WDFY4: variants seen among roughly 807,000 people sequenced by gnomAD.
The protein encoded by WDFY4 is WDFY family member 4.
Under a neutral mutation model 351.9 loss-of-function variants are expected in WDFY4, and 169 were observed. The observed-to-expected ratio is 0.48, with a 90% CI of 0.42 to 0.55. The LOEUF (loss-of-function observed/expected upper bound fraction) is 0.55, where lower values mean the gene tolerates loss of function less well. Ranked by LOEUF, WDFY4 falls within the 20% of genes least tolerant of loss-of-function variation. The pLI, the probability that WDFY4 is intolerant of heterozygous loss-of-function variation, is 0.00. For synonymous variants in WDFY4, 1,622 were observed against 1,574.6 expected, an observed-to-expected ratio of 1.03 and a Z score of -0.71; for missense variants, 3,803 against 3,935.6, an observed-to-expected ratio of 0.97 and a Z score of 0.90.
chr10:48,835,917 T>C (rs1339605605), intron 39 of WDFY4, among the ~76,000 whole-genome samples: 2 of 152,232 alleles, frequency 1.3e-5, no homozygotes, highest in African/African-American at 4.8e-5. Context: ...TAACTAAGTC[T>C]TGGATGGGCA....
intron 12 of WDFY4, among the ~76,000 whole-genome samples, chr10:48,759,851 C>A (rs753787615): frequency 2.0e-5 from 3 of 152,158 alleles, no homozygotes; most frequent in African/African-American, 4.8e-5. Flanking sequence ...TCTCGGCTAC[C>A]ATTTACTTTC....
At chr10:48,815,558 G>A (rs1040899167) in intron 31 of WDFY4, among the ~76,000 whole-genome samples, 3 of 151,854 alleles carry the variant, frequency 2.0e-5, no homozygotes, top group Non-Finnish European at 2.9e-5. Flanking sequence ...TCTCAGGCTC[G>A]GATGATTCTC....
Position 48,894,309 on chromosome 10 carries a change from C to A in WDFY4, c.7317-3145C>A, listed in dbSNP as rs78625227. ...GCAGAAACAGTCAGCACAGAGCAAA[C>A]TGAAAGCAGTGAGCCAGTGGTAGAG... On this transcript the variant is annotated intron_variant, in intron 44 of 61. Coordinates refer to ENST00000325239, the MANE Select transcript of WDFY4 (RefSeq NM_001394531.1). Among the ~76,000 whole-genome samples, 902 of 152,298 alleles carry A rather than the reference C, an allele frequency of 5.9e-3. 7 individuals carry two copies. The highest frequency in any genetic ancestry group is 0.021 in the African/African-American group (866 of 41,558).
At chr10:48,734,195 A>G (rs1425385709) in intron 10 of WDFY4, among the ~76,000 whole-genome samples, 160 bp downstream of exon 10, 1 of 152,238 alleles carries the variant, frequency 6.6e-6, no homozygotes, top group Non-Finnish European at 1.5e-5. Flanking sequence ...AGTGATCATC[A>G]GTAAATTCGT....
rs536060517 is a variant in WDFY4 at position 48,853,814 on chromosome 10, T to C, written c.6664-13451T>C. 3.9e-5 allele frequency among the ~76,000 whole-genome samples: 6 copies of C among 152,336 alleles called. No homozygotes were observed. In the East Asian group the frequency reaches 9.6e-4, roughly 24 times the overall value. On this transcript the variant is annotated intron_variant, in intron 39 of 61. Transcript: ENST00000325239. ...TCACTGTGTCATCTCTGCCCCAGCA[T>C]TGACTGTGTTAGCTCATAGCTATCT...
At chr10:48,785,783 C>A (rs922660432) in intron 19 of WDFY4, among the ~76,000 whole-genome samples, 15 of 152,158 alleles carry the variant, frequency 9.9e-5, no homozygotes, top group Non-Finnish European at 1.9e-4. Context: ...CAAATTAATT[C>A]TTCTTTTTCA....
intron 46 of WDFY4, among the ~76,000 whole-genome samples, chr10:48,901,507 A>G (rs1837350862): frequency 1.3e-5 from 2 of 152,252 alleles, no homozygotes; most frequent in South Asian, 2.1e-4. Context: ...GATTGTTGAC[A>G]TTGGCAATGT....
In WDFY4 at chr10:48,778,635, C is replaced by G. The variant is rs1404203738; in HGVS notation, c.3200C>G (p.Pro1067Arg). The G allele has an allele frequency of 1.3e-6, 2 of 1,551,448 alleles. No homozygotes were observed. The highest frequency in any genetic ancestry group is 3.9e-5 in the Admixed American group (2 of 51,018). Reference sequence around the variant, plus strand: ...GGTGCCACCAGACCGTTCCCTCCTCCTGGAGGTCTGACCTTCTCCTGCTGG... The same window carrying G: ...GGTGCCACCAGACCGTTCCCTCCTCGTGGAGGTCTGACCTTCTCCTGCTGG... ...GTGATRPFPP[P>R]GGLTFSCWFL... is the part of the protein sequence containing the mutation. Residue 1067 changes from proline to arginine, a missense_variant, in exon 18 of 62, where the codon CCT becomes CGT. This residue lies in a region of WDFY4 where 3,054 missense variants were observed against 3,148.6 expected (regional missense o/e 0.97). Transcript: ENST00000325239.
In WDFY4 at chr10:48,910,339, C is replaced by A. The variant is rs375370049; in HGVS notation, c.7586+8476C>A. 56 of 1,239,024 alleles carry A rather than the reference C, an allele frequency of 4.5e-5. No individual in the cohort carries two copies. The African/African-American group carries it at 6.8e-4, about 15-fold the overall frequency. 76.8% of individuals were successfully genotyped at this position (1,239,024 alleles called of 1,614,324 possible). On this transcript the variant is annotated intron_variant, in intron 47 of 61. Transcript: ENST00000325239. ...ACAGCAAGGGCAGAGGTCACACCAG[C>A]TCACCAAGGTCATGCCTGACCTTCA...
At position 48,820,368 on chromosome 10, in the gene WDFY4, C is replaced by T. The variant is rs1034351700; in HGVS notation, c.5640C>T (p.Leu1880=). The T allele has an allele frequency of 1.8e-5, 28 of 1,551,644 alleles. 1 individual carries two copies. The highest frequency in any genetic ancestry group is 3.3e-4 in the Middle Eastern group (2 of 5,992). Residue 1880 remains leucine (L), a synonymous_variant, in exon 33 of 62, where the codon CTC becomes CTT. Transcript: ENST00000325239. ...ARRKLREFTQ[L]LLRELLLGAS... is the part of the protein sequence containing the mutation. ...GGAAGCTGAGGGAGTTCACGCAGCT[C>T]CTCTTGAGGGAGCTCCTGCTTGGAG...
At chr10:48,910,901 A>T in intron 47 of WDFY4, 2 of 985,240 alleles carry the variant, frequency 2.0e-6, no homozygotes, top group Non-Finnish European at 2.4e-6. Flanking sequence ...TGTAACCTCG[A>T]TGTTTCTCTT....
chr10:48,881,249 G>A (rs772775206), intron 43 of WDFY4, among the ~76,000 whole-genome samples: 1 of 152,236 alleles, frequency 6.6e-6, no homozygotes, highest in Non-Finnish European at 1.5e-5. Context: ...AAGAACCCTG[G>A]TACCTATGGC....
intron 16 of WDFY4, among the ~76,000 whole-genome samples, 175 bp downstream of exon 16, chr10:48,777,159 C>T (rs766927925): frequency 6.6e-6 from 1 of 152,200 alleles, no homozygotes; most frequent in African/African-American, 2.4e-5. Context: ...GCTGTGTCCC[C>T]AGCTATGGAG....
chr10:48,796,265 C>A, intron 23 of WDFY4, 33 bp from the exon 24 acceptor site: 3 of 1,539,754 alleles, frequency 1.9e-6, no homozygotes, highest in Non-Finnish European at 2.6e-6. Context: ...ATGATGCATT[C>A]ATGAGGAAAC....
chr10:48,724,746 C>T (rs986787734), intron 5 of WDFY4, among the ~76,000 whole-genome samples: 3 of 152,120 alleles, frequency 2.0e-5, no homozygotes, highest in African/African-American at 7.2e-5. Context: ...CATAGGGCTT[C>T]ACTTTGAGAG....
intron 19 of WDFY4, 25 bp from the exon 20 acceptor site, chr10:48,786,614 A>C: frequency 6.6e-7 from 1 of 1,522,122 alleles, no homozygotes; most frequent in Non-Finnish European, 8.9e-7. Flanking sequence ...AACACTACTC[A>C]CTCTTGTCCT....
chr10:48,770,195 G>A (rs2127589), intron 13 of WDFY4, among the ~76,000 whole-genome samples: 8,492 of 152,208 alleles, frequency 0.056, 540 homozygotes, highest in East Asian at 0.31. Flanking sequence ...TCCATTACGG[G>A]GTATTGAGCA....
intron 47 of WDFY4, among the ~76,000 whole-genome samples, chr10:48,931,183 T>C (rs886089809): frequency 2.0e-5 from 3 of 152,132 alleles, no homozygotes; most frequent in African/African-American, 7.2e-5. Context: ...AGTTATTCAC[T>C]GGAGCTAGAT....
At chr10:48,827,033 T>A in intron 36 of WDFY4, 124 bp downstream of exon 36, 2 of 824,268 alleles carry the variant, frequency 2.4e-6, no homozygotes, top group East Asian at 2.7e-5. Flanking sequence ...TTATCTGGTC[T>A]TCCATATTTT....
Sources: gnomAD v4.1 joint callset for allele counts (sites outside exome capture counted in the v4.1 genomes callset) on GRCh38, gnomAD v4.1.1 for gene constraint, gnomAD v4.1.1 regional missense constraint, MANE v1.5 for transcripts, NCBI Gene and HGNC (gene_info 2026-07-23, HGNC 2026-07-21) for gene names.